Variants in NLRP12 observed in about 807,000 individuals in gnomAD.
NLRP12 encodes the protein NLR family pyrin domain containing 12, also known as NACHT, LRR and PYD domains-containing protein 12.
Under a neutral mutation model 91.2 loss-of-function variants are expected in NLRP12, and 108 were observed. The ratio of observed to expected loss-of-function variants is 1.18; its 90% CI spans 1.01 to 1.39. NLRP12 has a LOEUF of 1.39. Ranked by LOEUF, NLRP12 falls within the 40% of genes most tolerant of loss-of-function variation. The pLI, the probability that NLRP12 is intolerant of heterozygous loss-of-function variation, is 0.00. For synonymous variants in NLRP12, 613 were observed against 566.7 expected, an observed-to-expected ratio of 1.08 and a Z score of -1.16; for missense variants, 1,530 against 1,352.7, an observed-to-expected ratio of 1.13 and a Z score of -2.06.
At chr19:53,794,260 A>G in intron 9 of NLRP12, 124 bp from the exon 10 acceptor site, 5 of 760,956 alleles carry the variant, frequency 6.6e-6, no homozygotes, top group East Asian at 2.6e-5. Context: ...ATTCCACCCA[A>G]CGCTGCTGGA....
chr19:53,812,836 A>G (rs2092097300), intron 2 of NLRP12, among the ~76,000 whole-genome samples: 1 of 151,568 alleles, frequency 6.6e-6, no homozygotes, highest in African/African-American at 2.4e-5. Flanking sequence ...AAAGCGTACA[A>G]CTCTGTGACA....
upstream of NLRP12, chr19:53,824,357 A>G: frequency 1.6e-6 from 1 of 636,342 alleles, no homozygotes; most frequent in South Asian, 1.8e-5. Flanking sequence ...ATGCTTTCTC[A>G]CTCTTCAGTT....
At chr19:53,800,129 T>C (rs2091842518) in intron 7 of NLRP12, among the ~76,000 whole-genome samples, 2 of 151,954 alleles carry the variant, frequency 1.3e-5, no homozygotes, top group South Asian at 2.1e-4. Context: ...TGAAACCCCA[T>C]CTCTACTAAA....
intron 2 of NLRP12, among the ~76,000 whole-genome samples, chr19:53,814,687 G>A (rs2092130229): frequency 1.3e-5 from 2 of 152,132 alleles, no homozygotes; most frequent in Non-Finnish European, 1.5e-5. Flanking sequence ...TGTATGAGAT[G>A]GTTTGGTAGC....
At chr19:53,813,078 A>C (rs1468489483) in intron 2 of NLRP12, among the ~76,000 whole-genome samples, 1 of 151,402 alleles carries the variant, frequency 6.6e-6, no homozygotes, top group African/African-American at 2.4e-5. Context: ...ACGGAGTTTC[A>C]CCATGTTGGC....
Position 53,793,997 on chromosome 19 carries a change from C to T in NLRP12, c.*52G>A, listed in dbSNP as rs1253265778. On this transcript the variant is annotated 3_prime_UTR_variant, in exon 10 of 10. Coordinates refer to ENST00000324134, the MANE Select transcript of NLRP12 (RefSeq NM_144687.4). ...TTATGCTGGGGGGGTGATGAGCACC[C>T]TCCCATCTTCCTCTGTCCAGATCTC... 2.4e-6 allele frequency: 3 copies of T among 1,269,172 alleles called. No individual in the cohort carries two copies. Among genetic ancestry groups the T allele is most frequent in the Non-Finnish European group, 3.5e-6 (3 of 865,350 alleles). The allele number at this position is 1,269,172 out of a possible 1,614,324, so 78.6% of individuals were successfully genotyped here.
intron 1 of NLRP12, among the ~76,000 whole-genome samples, chr19:53,815,316 C>T (rs1014015000): frequency 2.7e-5 from 4 of 149,978 alleles, no homozygotes; most frequent in African/African-American, 4.9e-5. Flanking sequence ...ACAACCTCCA[C>T]CTCCTGAATT....
rs73608448 is a variant in NLRP12 at position 53,805,175 on chromosome 19, G to C, written c.2414+105C>G. Reference sequence around the variant, plus strand: ...TCTTAGGTCATGGGGTTAAGGGCCAGCCCTGATTTAAAGGTGGAGATTTGG... The same window carrying C: ...TCTTAGGTCATGGGGTTAAGGGCCACCCCTGATTTAAAGGTGGAGATTTGG... On this transcript the variant is annotated intron_variant, in intron 5 of 9. Coordinates refer to ENST00000324134, the MANE Select transcript of NLRP12 (RefSeq NM_144687.4). The C allele has an allele frequency of 8.0e-3, 9,987 of 1,244,792 alleles. 450 individuals carry two copies. In the African/African-American group the frequency reaches 0.11, roughly 14 times the overall value. The allele number at this position is 1,244,792 out of a possible 1,614,324, so 77.1% of individuals were successfully genotyped here.
At chr19:53,801,448 CTTTTTT>C (rs11417138) in intron 6 of NLRP12, 51 bp from the exon 7 acceptor site, 249 of 1,276,886 alleles carry the variant, frequency 2.0e-4, no homozygotes, top group East Asian at 3.0e-4. Flanking sequence ...CTTTCTTTTT[CTTTTTT>C]TTTTTTTTTT....
chr19:53,822,455 G>A (rs971085136), intron 1 of NLRP12, among the ~76,000 whole-genome samples: 6 of 151,854 alleles, frequency 4.0e-5, no homozygotes, highest in Non-Finnish European at 7.4e-5. Context: ...CATCTTGGCC[G>A]GGCACAGTGG....
chr19:53,809,790 C>T lies in NLRP12; in HGVS notation c.1869G>A (p.Glu623=), dbSNP rs867841451. ...FFSCLYEIQE[E]EFIQQALSHF... is the part of the protein sequence containing the mutation. Reference sequence around the variant, plus strand: ...GGCTCAGGGCCTGCTGGATAAACTCCTCCTCCTGGATCTCGTACAAGCAGC... The same window carrying T: ...GGCTCAGGGCCTGCTGGATAAACTCTTCCTCCTGGATCTCGTACAAGCAGC... Residue 623 remains glutamate (E), a synonymous_variant, in exon 3 of 10, where the codon GAG becomes GAA. Transcript: ENST00000324134. 6.2e-7 allele frequency: 1 copy of T among 1,614,100 alleles called. No homozygotes were observed. Among genetic ancestry groups the T allele is most frequent in the South Asian group, 1.1e-5 (1 of 91,082 alleles).
intron 1 of NLRP12, among the ~76,000 whole-genome samples, chr19:53,818,379 G>A (rs1308516940): frequency 6.6e-6 from 1 of 151,578 alleles, no homozygotes; most frequent in Non-Finnish European, 1.5e-5. Flanking sequence ...TTTTTTAAAG[G>A]TAATCCAGGC....
intron 1 of NLRP12, among the ~76,000 whole-genome samples, chr19:53,821,495 C>T (rs994709874): frequency 4.6e-5 from 7 of 151,970 alleles, no homozygotes; most frequent in African/African-American, 7.2e-5. Flanking sequence ...AGGGAAACCC[C>T]GTCTCTATTA....
chr19:53,801,815 C>T (rs974634349), intron 6 of NLRP12, among the ~76,000 whole-genome samples: 6 of 151,846 alleles, frequency 4.0e-5, no homozygotes, highest in South Asian at 2.1e-4. Flanking sequence ...CAAAAGGGCC[C>T]GGCCTGGTGG....
chr19:53,821,582 G>A (rs1299177020), intron 1 of NLRP12, among the ~76,000 whole-genome samples: 2 of 151,978 alleles, frequency 1.3e-5, no homozygotes, highest in African/African-American at 4.8e-5. Context: ...GCAGGAGAAT[G>A]GCGTGAACCC....
At chr19:53,796,582 C>T (rs925059224) in intron 8 of NLRP12, among the ~76,000 whole-genome samples, 1 of 152,096 alleles carries the variant, frequency 6.6e-6, no homozygotes, top group African/African-American at 2.4e-5. Flanking sequence ...GGGGATTTCA[C>T]CATGTTGGCC....
chr19:53,817,609 G>T (rs1288638398), intron 1 of NLRP12, among the ~76,000 whole-genome samples: 10 of 151,696 alleles, frequency 6.6e-5, no homozygotes, highest in Non-Finnish European at 5.9e-5. Flanking sequence ...GGTGGCAGAT[G>T]CCTGTAATCC....
At chr19:53,801,636 AG>A (rs200640088) in intron 6 of NLRP12, among the ~76,000 whole-genome samples, 2,983 of 151,254 alleles carry the variant, frequency 0.02, 52 homozygotes, top group Admixed American at 0.053. Context: ...TATTTTTAGT[AG>A]AGACAGGGTT....
chr19:53,820,688 AT>A (rs201450796), intron 1 of NLRP12, among the ~76,000 whole-genome samples: 3 of 100,128 alleles, frequency 3.0e-5, no homozygotes, highest in Non-Finnish European at 4.4e-5. Flanking sequence ...TAAAAAATAA[AT>A]TATTTTTTTT....
Sources: allele counts gnomAD v4.1 joint callset (sites outside exome capture counted in the v4.1 genomes callset), GRCh38; gene constraint gnomAD v4.1.1; transcripts MANE v1.5; gene names NCBI Gene and HGNC (gene_info 2026-07-23, HGNC 2026-07-21).